Variants in PDE4C observed in about 807,000 individuals in gnomAD.
PDE4C encodes phosphodiesterase 4C, also known as 3',5'-cyclic-AMP phosphodiesterase 4C.
Under a neutral mutation model 63.9 loss-of-function variants are expected in PDE4C, and 50 were observed. The observed-to-expected ratio is 0.78, with a 90% CI of 0.62 to 0.99. PDE4C has a LOEUF of 0.99. Among genes scored for constraint, PDE4C ranks in the 50% least tolerant of loss-of-function variants. The pLI is 0.00. For synonymous variants in PDE4C, 377 were observed against 385.1 expected (o/e 0.98, Z 0.25); for missense variants, 777 against 899.1 (o/e 0.86, Z 1.74).
At chr19:18,216,761 G>A (rs373742607) in exon 12 of PDE4C, 23 of 1,612,226 alleles carry the variant, frequency 1.4e-5, no homozygotes, top group African/African-American at 2.7e-5. Context: ...ACCATCCTGC[G>A]CAGACTCAGT....
chr19:18,248,589 C>T (rs960283220), upstream of PDE4C, among the ~76,000 whole-genome samples: 5 of 151,856 alleles, frequency 3.3e-5, no homozygotes, highest in Admixed American at 3.3e-4. Context: ...GGACCAGCAG[C>T]TCTGGGAAGG....
intron 14 of PDE4C, 100 bp downstream of exon 14, chr19:18,211,659 G>A (rs1967945418): frequency 7.2e-7 from 1 of 1,379,880 alleles, no homozygotes; most frequent in Admixed American, 1.8e-5. Flanking sequence ...CACACTCCCT[G>A]GCTAGCCAGC....
exon 1 of PDE4C, chr19:18,226,415 T>G (rs1470689842): frequency 1.4e-6 from 2 of 1,424,424 alleles, no homozygotes; most frequent in Non-Finnish European, 1.8e-6. Context: ...GGGCCCTGCA[T>G]CGCCAGGACT....
intron 12 of PDE4C, among the ~76,000 whole-genome samples, chr19:18,214,491 A>G (rs1198765838): frequency 6.6e-6 from 1 of 151,834 alleles, no homozygotes; most frequent in Non-Finnish European, 1.5e-5. Flanking sequence ...GAGATTGAAG[A>G]GACTGAGGGC....
rs1419186398 is a variant in PDE4C at position 18,215,886 on chromosome 19, G to A, written c.1389+855C>T. ...ACTCTGTTGCTGAGGCTAGAGTGCCGTGGTGCAATCTCCGCTCACTGCCAC... is the reference window on the plus strand; with the variant it reads ...ACTCTGTTGCTGAGGCTAGAGTGCCATGGTGCAATCTCCGCTCACTGCCAC... On this transcript the variant is annotated intron_variant, in intron 12 of 14. Transcript: ENST00000262805. 2.1e-4 allele frequency among the ~76,000 whole-genome samples: 28 copies of A among 133,046 alleles called. No homozygotes were observed. The Middle Eastern group carries it at 0.025, about 120-fold the overall frequency. 87.3% of individuals were successfully genotyped at this position (133,046 alleles called of 152,430 possible). A position where few individuals can be genotyped will look rare whatever the true frequency, so the allele number is the denominator to read the frequency against.
intron 12 of PDE4C, 54 bp downstream of exon 12, chr19:18,216,687 A>G: frequency 4.0e-6 from 6 of 1,504,554 alleles, no homozygotes; most frequent in Non-Finnish European, 5.4e-6. Context: ...GCAGATGAGA[A>G]GGATGCCCCG....
At chr19:18,240,568 A>T (rs189573259) in intron 1 of PDE4C, among the ~76,000 whole-genome samples, 1 of 152,226 alleles carries the variant, frequency 6.6e-6, no homozygotes, top group Non-Finnish European at 1.5e-5. Context: ...TGTACTGAAA[A>T]TACAAAAAAG....
Position 18,226,442 on chromosome 19 carries a change from G to A in PDE4C, c.-27C>T. 2.9e-6 allele frequency: 4 copies of A among 1,368,364 alleles called. No individual in the cohort carries two copies. The highest frequency in any genetic ancestry group is 3.8e-6 in the Non-Finnish European group (4 of 1,066,302). The allele number at this position is 1,368,364 out of a possible 1,614,324, so 84.8% of individuals were successfully genotyped here. ...GCCAGGACTGCGTGGAGGCTGGACC[G>A]AGCGCCGGCTGCGCGGGACCTTTTC... On this transcript the variant is annotated 5_prime_UTR_variant, in exon 1 of 15. Transcript: ENST00000262805.
intron 11 of PDE4C, 170 bp from the exon 12 acceptor site, chr19:18,217,065 G>A: frequency 1.5e-6 from 1 of 656,598 alleles, no homozygotes; most frequent in Non-Finnish European, 2.5e-6. Flanking sequence ...CTGACTGCAG[G>A]GCTAGGGTTG....
chr19:18,236,036 G>A (rs997135547), upstream of PDE4C, among the ~76,000 whole-genome samples: 20 of 151,438 alleles, frequency 1.3e-4, no homozygotes, highest in African/African-American at 4.1e-4. Flanking sequence ...TCTGCCTCCC[G>A]GGTTCACGCC....
At chr19:18,234,735 C>G (rs1235949774), upstream of PDE4C, among the ~76,000 whole-genome samples, 1 of 152,168 alleles carries the variant, frequency 6.6e-6, no homozygotes, top group African/African-American at 2.4e-5. Flanking sequence ...GAGACCATCT[C>G]CCAGTGACCC....
upstream of PDE4C, among the ~76,000 whole-genome samples, chr19:18,236,691 C>G (rs1421445703): frequency 1.3e-5 from 2 of 152,196 alleles, no homozygotes; most frequent in African/African-American, 2.4e-5. Flanking sequence ...CTGTGGGCAC[C>G]TCCTTGTGCA....
chr19:18,226,435 C>T (rs373897683), exon 1 of PDE4C: 2 of 1,377,284 alleles, frequency 1.5e-6, no homozygotes, highest in East Asian at 3.1e-5. Flanking sequence ...TGCGTGGAGG[C>T]TGGACCGAGC....
Position 18,248,035 on chromosome 19 carries a change from C to T in PDE4C, c.-210+136G>A. ...AAACAAGGTCTCCTGGCCCCAGACA[C>T]ATGGGAGACCCATTCAGCTCCCAGA... On this transcript the variant is annotated intron_variant, in intron 1 of 15. Transcript: ENST00000594617. The T allele has an allele frequency of 8.1e-6, 3 of 372,094 alleles. No individual in the cohort carries two copies. In the Admixed American group the frequency reaches 9.6e-5, roughly 12 times the overall value. 23.0% of individuals were successfully genotyped at this position (372,094 alleles called of 1,614,324 possible).
At chr19:18,225,028 C>T (rs1968665854) in intron 1 of PDE4C, among the ~76,000 whole-genome samples, 1 of 152,206 alleles carries the variant, frequency 6.6e-6, no homozygotes, top group African/African-American at 2.4e-5. Flanking sequence ...CGTGCAAATC[C>T]GGATCCCGGG....
chr19:18,249,936 A>G (rs773320846), upstream of PDE4C: 53 of 392,964 alleles, frequency 1.3e-4, no homozygotes, highest in Admixed American at 1.6e-3. Flanking sequence ...AAGTAAAGAC[A>G]TGGTCCCCAC....
At chr19:18,215,301 G>T (rs1968140526) in intron 12 of PDE4C, among the ~76,000 whole-genome samples, 2 of 152,028 alleles carry the variant, frequency 1.3e-5, no homozygotes, top group African/African-American at 4.8e-5. Flanking sequence ...GCTGGTCTGG[G>T]CTCCGAAAGC....
chr19:18,246,215 G>A (rs1170254497), intron 1 of PDE4C, among the ~76,000 whole-genome samples: 7 of 139,540 alleles, frequency 5.0e-5, no homozygotes, highest in Non-Finnish European at 6.1e-5. Context: ...ATGGAGTCTC[G>A]CTCTGTCACC....
chr19:18,236,469 G>A (rs1326302845), upstream of PDE4C, among the ~76,000 whole-genome samples: 5 of 151,434 alleles, frequency 3.3e-5, no homozygotes, highest in South Asian at 6.3e-4. Context: ...GTGATGGACC[G>A]GCCTCAGCCT....
Sources: allele counts gnomAD v4.1 joint callset (sites outside exome capture counted in the v4.1 genomes callset), GRCh38; gene constraint gnomAD v4.1.1; transcripts MANE v1.5; gene names NCBI Gene and HGNC (gene_info 2026-07-23, HGNC 2026-07-21).